Variants in TOM1L2 observed in about 807,000 individuals in gnomAD.
The protein encoded by TOM1L2 is TOM1-like protein 2.
Under a neutral mutation model 67.9 loss-of-function variants are expected in TOM1L2, and 31 were observed. The observed-to-expected ratio is 0.46, with a 90% CI of 0.34 to 0.62. TOM1L2 has a LOEUF of 0.62. Ranked by LOEUF, TOM1L2 falls within the 20% of genes least tolerant of loss-of-function variation. The probability of loss-of-function intolerance (pLI) is 0.01; values close to 1 mark genes in which losing one functional copy is unlikely to be tolerated. For missense variants in TOM1L2, 606 were observed against 663.5 expected (o/e 0.91, Z 0.95); for synonymous variants, 256 against 254.0 (o/e 1.01, Z -0.07).
intron 1 of TOM1L2, among the ~76,000 whole-genome samples, chr17:17,971,466 C>G (rs2145122676): frequency 6.6e-6 from 1 of 152,222 alleles, no homozygotes; most frequent in Admixed American, 6.5e-5. Flanking sequence ...AATCACCCTC[C>G]AAGAGCCCCT....
intron 3 of TOM1L2, among the ~76,000 whole-genome samples, chr17:17,894,357 T>C (rs1276454741): frequency 6.6e-6 from 1 of 152,200 alleles, no homozygotes; most frequent in Non-Finnish European, 1.5e-5. Context: ...ACAAATGGTT[T>C]GTGGACCTCA....
Position 17,866,936 on chromosome 17 carries a change from A to G in TOM1L2, c.912-12T>C. 1 of 1,613,916 alleles carries G rather than the reference A, an allele frequency of 6.2e-7. No homozygotes were observed. Among genetic ancestry groups the G allele is most frequent in the Non-Finnish European group, 8.5e-7 (1 of 1,179,830 alleles). ...TGTATCGTTCGAACCTAACAGGGGA[A>G]GGGAAAGCAGAAGTAAGGAGAGAGG... On this transcript the variant is annotated splice_polypyrimidine_tract_variant and intron_variant, in intron 8 of 14. Coordinates refer to ENST00000379504, the MANE Select transcript of TOM1L2 (RefSeq NM_001082968.2).
intron 2 of TOM1L2, among the ~76,000 whole-genome samples, chr17:17,900,067 G>C (rs2038771415): frequency 6.6e-6 from 1 of 151,070 alleles, no homozygotes; most frequent in Non-Finnish European, 1.5e-5. Flanking sequence ...ACAAAAATTA[G>C]CTGGGTGTGG....
At chr17:17,907,574 T>C in intron 1 of TOM1L2, 43 bp from the exon 2 acceptor site, 1 of 1,583,072 alleles carries the variant, frequency 6.3e-7, no homozygotes, top group Non-Finnish European at 8.7e-7. Flanking sequence ...TCTCCTGGAA[T>C]AAGTGGGCCT....
intron 10 of TOM1L2, 51 bp from the exon 11 acceptor site, chr17:17,862,899 A>G: frequency 1.5e-6 from 2 of 1,294,642 alleles, no homozygotes; most frequent in Non-Finnish European, 1.0e-6. Flanking sequence ...TGTAGACTGT[A>G]GATCTGATGA....
At chr17:17,907,820 C>A (rs2039165477) in intron 1 of TOM1L2, among the ~76,000 whole-genome samples, 1 of 152,188 alleles carries the variant, frequency 6.6e-6, no homozygotes, top group Non-Finnish European at 1.5e-5. Flanking sequence ...GGTTTATGAA[C>A]CCGTAGAGTC....
intron 1 of TOM1L2, among the ~76,000 whole-genome samples, chr17:17,909,799 G>C (rs191415718): frequency 5.3e-5 from 8 of 152,330 alleles, no homozygotes; most frequent in Admixed American, 3.3e-4. Context: ...GGAGGCTGAG[G>C]CAGGAGGGTT....
chr17:17,861,543 T>C lies in TOM1L2; in HGVS notation c.1211A>G (p.Tyr404Cys), dbSNP rs867950133. The change falls in exon 12 of 15, where the codon TAT becomes TGT. Residue 404 changes from tyrosine to cysteine, a missense_variant. Tyr to Cys is a radical substitution (Grantham distance 194). This residue lies in a region of TOM1L2 where 543 missense variants were observed against 554.0 expected (regional missense o/e 0.98). Coordinates refer to ENST00000379504, the MANE Select transcript of TOM1L2 (RefSeq NM_001082968.2). ...SLAEQRKTVT[Y>C]EDPQAVGGLA... ...TCCTCCGACAGCCTGAGGATCCTCA[T>C]AGGTTACCCTGGAGATGAAGAAGCA... The C allele has an allele frequency of 3.7e-6, 6 of 1,613,988 alleles. No individual in the cohort carries two copies. The highest frequency in any genetic ancestry group is 1.3e-5 in the African/African-American group (1 of 75,046).
chr17:17,848,767 T>G, intron 14 of TOM1L2, 56 bp downstream of exon 14: 1 of 1,594,526 alleles, frequency 6.3e-7, no homozygotes, highest in Admixed American at 1.7e-5. Flanking sequence ...CTGGCTCCTG[T>G]GCAGCCTGCA....
intron 1 of TOM1L2, among the ~76,000 whole-genome samples, chr17:17,945,642 T>C (rs1449036566): frequency 6.6e-6 from 1 of 152,218 alleles, no homozygotes; most frequent in Admixed American, 6.5e-5. Flanking sequence ...TAATCATTGA[T>C]ATTTTGTGAG....
intron 2 of TOM1L2, among the ~76,000 whole-genome samples, chr17:17,903,481 C>T (rs1475128881): frequency 5.9e-5 from 9 of 151,972 alleles, no homozygotes; most frequent in Non-Finnish European, 1.0e-4. Context: ...GGCGTGGTGG[C>T]GGGCGCCTGT....
At chr17:17,892,961 G>T (rs1348380804) in intron 4 of TOM1L2, among the ~76,000 whole-genome samples, 1 of 152,174 alleles carries the variant, frequency 6.6e-6, no homozygotes, top group African/African-American at 2.4e-5. Context: ...CGAGCCTTCA[G>T]ACAATGCAAC....
chr17:17,862,114 G>C (rs1216489019), intron 11 of TOM1L2: 1 of 153,616 alleles, frequency 6.5e-6, no homozygotes, highest in Non-Finnish European at 1.4e-5. Context: ...GCAGGACTCA[G>C]GGTGCTGAGT....
At chr17:17,873,863 G>A (rs921031694) in intron 7 of TOM1L2, among the ~76,000 whole-genome samples, 2 of 152,198 alleles carry the variant, frequency 1.3e-5, no homozygotes, top group Non-Finnish European at 2.9e-5. Flanking sequence ...AGCTGAGGCT[G>A]CTCTGCTTTT....
At chr17:17,869,196 A>G (rs907055173) in intron 8 of TOM1L2, 144 bp downstream of exon 8, 2 of 1,470,132 alleles carry the variant, frequency 1.4e-6, no homozygotes, top group Non-Finnish European at 1.8e-6. Context: ...GTCAGCCGGG[A>G]ACAAATTAGC....
Position 17,866,350 on chromosome 17 carries a change from T to C in TOM1L2, c.1030A>G (p.Met344Val), listed in dbSNP as rs758116852. 3.0e-5 allele frequency: 49 copies of C among 1,611,804 alleles called. No homozygotes were observed. The highest frequency in any genetic ancestry group is 1.6e-4 in the Middle Eastern group (1 of 6,076). Reference sequence around the variant, plus strand: ...GATGGGGGCGCTGTGTTCCCCACCATTGGGCTCACCACGGCTGGAGACCCT... The same window carrying C: ...GATGGGGGCGCTGTGTTCCCCACCACTGGGCTCACCACGGCTGGAGACCCT... Reference protein sequence around the residue: ...GPGSPAVVSPMVGNTAPPSSL... With the variant: ...GPGSPAVVSPVVGNTAPPSSL... The change falls in exon 10 of 15, where the codon ATG becomes GTG. Residue 344 changes from methionine (M) to valine (V), a missense_variant. Transcript: ENST00000379504.
At chr17:17,922,027 C>T (rs879357251) in intron 1 of TOM1L2, among the ~76,000 whole-genome samples, 5 of 152,118 alleles carry the variant, frequency 3.3e-5, no homozygotes, top group Non-Finnish European at 7.4e-5. Flanking sequence ...AAGGATTATC[C>T]AAAGACTTCC....
At chr17:17,967,468 C>T (rs1164914592) in intron 1 of TOM1L2, among the ~76,000 whole-genome samples, 1 of 152,262 alleles carries the variant, frequency 6.6e-6, no homozygotes, top group Non-Finnish European at 1.5e-5. Context: ...CATCCAACTC[C>T]AAGCAGTTGT....
intron 12 of TOM1L2, among the ~76,000 whole-genome samples, chr17:17,856,750 A>T (rs2036272479): frequency 6.6e-6 from 1 of 152,212 alleles, no homozygotes; most frequent in Non-Finnish European, 1.5e-5. Flanking sequence ...GCTCTGCTAG[A>T]GGTGAAATGG....
Sources: gnomAD v4.1 joint callset for allele counts (sites outside exome capture counted in the v4.1 genomes callset) on GRCh38, gnomAD v4.1.1 for gene constraint, gnomAD v4.1.1 regional missense constraint, MANE v1.5 for transcripts, NCBI Gene and HGNC (gene_info 2026-07-23, HGNC 2026-07-21) for gene names.